RABEPK: variants seen among roughly 807,000 people sequenced by gnomAD.
The protein encoded by RABEPK is Rab9 effector protein with kelch motifs, also known as 40 kDa Rab9 effector protein.
Under a neutral mutation model 34.1 loss-of-function variants are expected in RABEPK, and 27 were observed. The ratio of observed to expected loss-of-function variants is 0.79; its 90% CI spans 0.58 to 1.09. The LOEUF (loss-of-function observed/expected upper bound fraction) is 1.09, where lower values mean the gene tolerates loss of function less well. RABEPK is among the 50% of genes least tolerant of loss of function. The pLI is 0.00. For missense variants in RABEPK, 449 were observed against 462.6 expected, an observed-to-expected ratio of 0.97 and a Z score of 0.27; for synonymous variants, 172 against 169.2, an observed-to-expected ratio of 1.02 and a Z score of -0.13.
chr9:125,211,279 A>C (rs1176073170), intron 3 of RABEPK, among the ~76,000 whole-genome samples: 1 of 151,490 alleles, frequency 6.6e-6, no homozygotes, highest in East Asian at 2.0e-4. Flanking sequence ...ACTCCCAAGT[A>C]GCTGGAACTA....
intron 3 of RABEPK, among the ~76,000 whole-genome samples, chr9:125,208,958 AC>A (rs962246256): frequency 1.3e-5 from 2 of 150,130 alleles, no homozygotes; most frequent in East Asian, 3.9e-4. Flanking sequence ...TTCCAAGTTT[AC>A]CCCCTATACA....
At chr9:125,229,202 C>A (rs1831999306) in intron 6 of RABEPK, among the ~76,000 whole-genome samples, 1 of 151,370 alleles carries the variant, frequency 6.6e-6, no homozygotes, top group Non-Finnish European at 1.5e-5. Flanking sequence ...TGCAGTGATC[C>A]AAGATCATGC....
At chr9:125,233,515 T>C (rs919747986) in intron 7 of RABEPK, among the ~76,000 whole-genome samples, 173 bp from the exon 8 acceptor site, 1 of 151,722 alleles carries the variant, frequency 6.6e-6, no homozygotes, top group East Asian at 1.9e-4. Context: ...ATTTTTTTTT[T>C]GTATTTTTGG....
chr9:125,225,602 C>T (rs762322522), intron 5 of RABEPK, among the ~76,000 whole-genome samples: 3 of 152,116 alleles, frequency 2.0e-5, no homozygotes, highest in Non-Finnish European at 2.9e-5. Flanking sequence ...ACAGGTGGAT[C>T]ATTTTAGGTC....
intron 5 of RABEPK, among the ~76,000 whole-genome samples, chr9:125,222,636 C>A (rs1393489392): frequency 6.6e-6 from 1 of 150,400 alleles, no homozygotes; most frequent in African/African-American, 2.4e-5. Flanking sequence ...ATCACTTGAA[C>A]CCCGGAGGCG....
intron 2 of RABEPK, among the ~76,000 whole-genome samples, chr9:125,207,054 A>T (rs1024937229): frequency 2.0e-5 from 3 of 150,856 alleles, no homozygotes; most frequent in African/African-American, 7.3e-5. Flanking sequence ...ACGCCATTGC[A>T]CTCCAGCCTG....
In RABEPK at chr9:125,233,926, G is replaced by A. The variant is rs769979196; in HGVS notation, c.1065G>A (p.Gly355=). The change falls in exon 8 of 8, where the codon GGG becomes GGA. Residue 355 remains glycine (G), a synonymous_variant. Coordinates refer to ENST00000373538, the MANE Select transcript of RABEPK (RefSeq NM_005833.4). ...TATLLCLVFG[G]MNTEGEIYDD... ...CACTGCTCTGTTTGGTGTTTGGTGG[G>A]ATGAATACAGAAGGGGAAATCTATG... 12 of 1,613,628 alleles carry A rather than the reference G, an allele frequency of 7.4e-6. No homozygotes were observed. Among genetic ancestry groups the A allele is most frequent in the Non-Finnish European group, 1.0e-5 (12 of 1,179,540 alleles).
Position 125,220,528 on chromosome 9 carries a change from C to T in RABEPK, c.365-11C>T. ...TGGATATTTTAAGTGCCTGCATTCTCTCTGGCCCAGAAACCAGGACGTGGA... is the reference window on the plus strand; with the variant it reads ...TGGATATTTTAAGTGCCTGCATTCTTTCTGGCCCAGAAACCAGGACGTGGA... On this transcript the variant is annotated splice_polypyrimidine_tract_variant and intron_variant, in intron 4 of 7. Coordinates refer to ENST00000373538, the MANE Select transcript of RABEPK (RefSeq NM_005833.4). 6.2e-7 allele frequency: 1 copy of T among 1,611,008 alleles called. No homozygotes were observed.
intron 2 of RABEPK, among the ~76,000 whole-genome samples, chr9:125,206,167 T>A (rs975599157): frequency 6.6e-6 from 1 of 152,012 alleles, no homozygotes; most frequent in Non-Finnish European, 1.5e-5. Context: ...TCTTTTCCAA[T>A]CAGGAAGCTT....
intron 5 of RABEPK, among the ~76,000 whole-genome samples, chr9:125,223,348 A>T (rs1451375157): frequency 1.3e-5 from 2 of 151,690 alleles, no homozygotes; most frequent in Non-Finnish European, 2.9e-5. Flanking sequence ...CCCAGCTACT[A>T]GGGAGGCTGA....
At chr9:125,208,317 A>G (rs1371480788) in intron 3 of RABEPK, among the ~76,000 whole-genome samples, 1 of 152,100 alleles carries the variant, frequency 6.6e-6, no homozygotes, top group African/African-American at 2.4e-5. Flanking sequence ...ACCACCACTC[A>G]TTCTATTCAC....
intron 4 of RABEPK, among the ~76,000 whole-genome samples, chr9:125,218,031 G>A (rs1365135425): frequency 6.6e-6 from 1 of 151,946 alleles, no homozygotes; most frequent in Non-Finnish European, 1.5e-5. Context: ...CTGAGTTCAG[G>A]CCCGGCGCGG....
At chr9:125,212,160 T>C (rs779221223) in intron 3 of RABEPK, among the ~76,000 whole-genome samples, 4 of 152,198 alleles carry the variant, frequency 2.6e-5, no homozygotes, top group Non-Finnish European at 4.4e-5. Context: ...AGATAATGCC[T>C]GTAAAGGTCT....
At chr9:125,222,783 A>T (rs1213985767) in intron 5 of RABEPK, among the ~76,000 whole-genome samples, 1 of 151,544 alleles carries the variant, frequency 6.6e-6, no homozygotes, top group Admixed American at 6.6e-5. Flanking sequence ...TATATTTTTC[A>T]CTTAAGCATT....
chr9:125,232,217 TACACACACAC>T (rs34676967), intron 6 of RABEPK, among the ~76,000 whole-genome samples: 5 of 118,172 alleles, frequency 4.2e-5, no homozygotes, highest in African/African-American at 1.2e-4. Context: ...GTATTTAAAG[TACACACACAC>T]ACACACACAC....
chr9:125,205,739 C>T (rs1278538086), intron 2 of RABEPK, among the ~76,000 whole-genome samples: 2 of 152,114 alleles, frequency 1.3e-5, no homozygotes, highest in South Asian at 2.1e-4. Context: ...CTGCCTGCCT[C>T]GGCCTCCCAA....
chr9:125,201,041 G>A (rs1829876123), intron 1 of RABEPK, 135 bp downstream of exon 1: 1 of 354,888 alleles, frequency 2.8e-6, no homozygotes, highest in Non-Finnish European at 5.6e-6. Context: ...TAGGAACTTA[G>A]TCTAGTGGAA....
intron 4 of RABEPK, among the ~76,000 whole-genome samples, chr9:125,218,535 A>G (rs1397305239): frequency 6.6e-6 from 1 of 152,118 alleles, no homozygotes; most frequent in Non-Finnish European, 1.5e-5. Flanking sequence ...AGGGTGCTCA[A>G]TTAATGCATC....
chr9:125,204,161 T>C (rs758710409), intron 2 of RABEPK, among the ~76,000 whole-genome samples: 1 of 150,518 alleles, frequency 6.6e-6, no homozygotes, highest in Non-Finnish European at 1.5e-5. Flanking sequence ...GGTGAAACCC[T>C]GTCTCTACTA....
Sources: allele counts gnomAD v4.1 joint callset (sites outside exome capture counted in the v4.1 genomes callset), GRCh38; gene constraint gnomAD v4.1.1; transcripts MANE v1.5; gene names NCBI Gene and HGNC (gene_info 2026-07-23, HGNC 2026-07-21).